Variants in SDCCAG8 observed in about 807,000 individuals in gnomAD.
SDCCAG8 encodes SHH signaling and ciliogenesis regulator SDCCAG8.
A neutral mutation model predicts 101.8 loss-of-function variants in SDCCAG8; 74 were observed. That is an observed-to-expected ratio of 0.73 (90% CI 0.60 to 0.88). The LOEUF (loss-of-function observed/expected upper bound fraction) is 0.88. Among genes scored for constraint, SDCCAG8 ranks in the 40% least tolerant of loss-of-function variants. The pLI, the probability that SDCCAG8 is intolerant of heterozygous loss-of-function variation, is 0.00. For missense variants in SDCCAG8, 787 were observed against 822.6 expected (o/e 0.96, Z 0.53); for synonymous variants, 281 against 292.9 (o/e 0.96, Z 0.41).
At chr1:243,481,980 C>G (rs1178316713) in intron 16 of SDCCAG8, among the ~76,000 whole-genome samples, 1 of 152,188 alleles carries the variant, frequency 6.6e-6, no homozygotes, top group African/African-American at 2.4e-5. Context: ...CCCTGTGGAG[C>G]TGGTGCTAGG....
chr1:243,323,992 C>T (rs2073957848), intron 9 of SDCCAG8, among the ~76,000 whole-genome samples: 1 of 152,104 alleles, frequency 6.6e-6, no homozygotes, highest in Non-Finnish European at 1.5e-5. Flanking sequence ...AGAGTTAGTT[C>T]CCAGCCCTCC....
chr1:243,425,328 A>G (rs2081271815), intron 15 of SDCCAG8, among the ~76,000 whole-genome samples: 1 of 152,194 alleles, frequency 6.6e-6, no homozygotes, highest in South Asian at 2.1e-4. Flanking sequence ...TTTGGATGAC[A>G]TTTGAACCAA....
intron 7 of SDCCAG8, 32 bp downstream of exon 7, chr1:243,304,809 C>T (rs1317056062): frequency 1.2e-5 from 15 of 1,225,470 alleles, no homozygotes; most frequent in Non-Finnish European, 1.8e-5. Context: ...ATAGTCATAC[C>T]AAAAGCATAA....
At chr1:243,360,139 A>T in intron 12 of SDCCAG8, among the ~76,000 whole-genome samples, 1 of 139,788 alleles carries the variant, frequency 7.2e-6, no homozygotes, top group Non-Finnish European at 1.5e-5. Flanking sequence ...TTATTGCAAC[A>T]GTCTCTTTTT....
At chr1:243,477,016 A>ATACG (rs1558522350) in intron 16 of SDCCAG8, among the ~76,000 whole-genome samples, 1 of 88,806 alleles carries the variant, frequency 1.1e-5, no homozygotes, top group Non-Finnish European at 2.5e-5. Flanking sequence ...ACACACACAC[A>ATACG]CACACACACA....
chr1:243,464,761 G>A (rs11801702), intron 16 of SDCCAG8, among the ~76,000 whole-genome samples: 2 of 152,236 alleles, frequency 1.3e-5, no homozygotes, highest in African/African-American at 4.8e-5. Context: ...CAGGCAGGCA[G>A]GCAAGCATGC....
At chr1:243,324,186 C>A (rs934706275) in intron 9 of SDCCAG8, among the ~76,000 whole-genome samples, 2 of 152,162 alleles carry the variant, frequency 1.3e-5, no homozygotes, top group Non-Finnish European at 2.9e-5. Flanking sequence ...TCTACACAAC[C>A]AAACCGTTCA....
At chr1:243,335,841 C>T (rs2074968001) in intron 10 of SDCCAG8, among the ~76,000 whole-genome samples, 1 of 152,066 alleles carries the variant, frequency 6.6e-6, no homozygotes, top group African/African-American at 2.4e-5. Flanking sequence ...ATCTTTATAT[C>T]CGTGAGTACC....
intron 16 of SDCCAG8, among the ~76,000 whole-genome samples, chr1:243,481,441 G>A (rs750001275): frequency 4.6e-5 from 7 of 152,148 alleles, no homozygotes; most frequent in Admixed American, 6.5e-5. Flanking sequence ...ATAAAGTAAC[G>A]TGTAGTATTG....
intron 9 of SDCCAG8, among the ~76,000 whole-genome samples, chr1:243,328,543 C>A (rs930252966): frequency 2.0e-5 from 3 of 151,992 alleles, no homozygotes; most frequent in African/African-American, 7.3e-5. Context: ...TTCCAAAGTG[C>A]TGGGATTACA....
At chr1:243,463,368 T>G (rs540605578) in intron 16 of SDCCAG8, among the ~76,000 whole-genome samples, 3 of 152,348 alleles carry the variant, frequency 2.0e-5, no homozygotes, top group Admixed American at 2.0e-4. Context: ...TCTAATATTT[T>G]TTTGGATTGC....
At chr1:243,433,979 CTT>C (rs1311441240) in intron 16 of SDCCAG8, among the ~76,000 whole-genome samples, 5 of 152,178 alleles carry the variant, frequency 3.3e-5, no homozygotes, top group Non-Finnish European at 7.4e-5. Flanking sequence ...GCTAGTTTGA[CTT>C]TTGATGATTT....
chr1:243,256,361 A>T, intron 1 of SDCCAG8, 121 bp downstream of exon 1: 1 of 783,656 alleles, frequency 1.3e-6, no homozygotes, highest in South Asian at 1.4e-5. Context: ...GAGGAGCAAG[A>T]TGGATGTTGC....
chr1:243,279,127 A>C (rs2068815394), intron 4 of SDCCAG8, among the ~76,000 whole-genome samples: 1 of 152,148 alleles, frequency 6.6e-6, no homozygotes, highest in Non-Finnish European at 1.5e-5. Flanking sequence ...TGCATTAGCT[A>C]AGACTTTTTG....
chr1:243,442,773 T>C (rs957658159), intron 16 of SDCCAG8, among the ~76,000 whole-genome samples: 1 of 152,200 alleles, frequency 6.6e-6, no homozygotes, highest in Admixed American at 6.5e-5. Context: ...TTACAAACCT[T>C]TTCAGACTAC....
Position 243,301,524 on chromosome 1 carries a change from C to G in SDCCAG8, c.676-3189C>G, listed in dbSNP as rs145643724. On this transcript the variant is annotated intron_variant, in intron 6 of 17. Transcript: ENST00000366541. ...CTTGATATGTTCCATAGATTGAAGT[C>G]TGCATCCCCATTTCAAGTCTGTTGC... Among the ~76,000 whole-genome samples the G allele has an allele frequency of 1.4e-3, 219 of 152,252 alleles. 1 individual carries two copies. The highest frequency in any genetic ancestry group is 5.0e-3 in the African/African-American group (208 of 41,560).
intron 12 of SDCCAG8, among the ~76,000 whole-genome samples, chr1:243,373,831 C>T (rs142159967): frequency 0.021 from 3,192 of 151,984 alleles, 149 homozygotes; most frequent in Admixed American, 0.13. Flanking sequence ...ATCATATTAC[C>T]CCAAAACTTA....
At chr1:243,287,563 A>G (rs2069754643) in intron 5 of SDCCAG8, among the ~76,000 whole-genome samples, 2 of 152,174 alleles carry the variant, frequency 1.3e-5, no homozygotes, top group Non-Finnish European at 2.9e-5. Flanking sequence ...CTGCAATTGC[A>G]TTTAAGTTTG....
intron 16 of SDCCAG8, among the ~76,000 whole-genome samples, chr1:243,445,328 C>T (rs930652023): frequency 2.0e-5 from 3 of 152,058 alleles, no homozygotes; most frequent in Non-Finnish European, 4.4e-5. Flanking sequence ...AAACGGAAGC[C>T]CAAAGAATAC....
Sources: allele counts gnomAD v4.1 joint callset (sites outside exome capture counted in the v4.1 genomes callset), GRCh38; gene constraint gnomAD v4.1.1; transcripts MANE v1.5; gene names NCBI Gene and HGNC (gene_info 2026-07-23, HGNC 2026-07-21).